Variants in DOCK3 observed in about 807,000 individuals in gnomAD.
The protein encoded by DOCK3 is dedicator of cytokinesis 3.
DOCK3 carries 60 observed loss-of-function variants against 265.6 expected under a neutral mutation model. The ratio of observed to expected loss-of-function variants is 0.23; its 90% confidence interval spans 0.18 to 0.28. The LOEUF (loss-of-function observed/expected upper bound fraction) is 0.28. Among genes scored for constraint, DOCK3 ranks in the 10% least tolerant of loss-of-function variants. The pLI is 1.00. For missense variants in DOCK3, 1,981 were observed against 2,594.3 expected (o/e 0.76, Z 5.14); for synonymous variants, 881 against 938.0 (o/e 0.94, Z 1.11).
At chr3:50,841,757 A>C (rs1318435632) in intron 3 of DOCK3, 42 bp downstream of exon 3, 1 of 162,374 alleles carries the variant, frequency 6.2e-6, no homozygotes, top group African/African-American at 5.7e-5. Flanking sequence ...TGTAGGAAGG[A>C]ACTACCTTGT....
At chr3:51,160,904 G>A (rs550087390) in intron 12 of DOCK3, among the ~76,000 whole-genome samples, 2 of 151,796 alleles carry the variant, frequency 1.3e-5, no homozygotes, top group African/African-American at 4.8e-5. Context: ...GTGAAACCTC[G>A]TCTCTACTGA....
In DOCK3 at chr3:51,027,928, G is replaced by A. The variant is rs193298905; in HGVS notation, c.316-36520G>A. Among the ~76,000 whole-genome samples, 219 of 152,062 alleles carry A rather than the reference G, an allele frequency of 1.4e-3. 2 individuals are homozygous for A. The highest frequency in any genetic ancestry group is 7.9e-3 in the East Asian group (41 of 5,180). On this transcript the variant is annotated intron_variant, in intron 5 of 52. Transcript: ENST00000266037. Reference sequence around the variant, plus strand: ...ATCTTTTAAGTGGAGCATTTAGGCTGTGTAGGTTCAACTTTGATATTGATA... The same window carrying A: ...ATCTTTTAAGTGGAGCATTTAGGCTATGTAGGTTCAACTTTGATATTGATA...
intron 4 of DOCK3, among the ~76,000 whole-genome samples, chr3:50,924,441 T>G (rs1436390484): frequency 6.6e-6 from 1 of 152,246 alleles, no homozygotes; most frequent in Non-Finnish European, 1.5e-5. Flanking sequence ...GAGTGTCAGC[T>G]CCTTATCTTC....
At position 51,159,299 on chromosome 3, in the gene DOCK3, G is replaced by A; in HGVS notation, c.884G>A (p.Arg295Gln). Reference protein sequence around the residue: ...RDLYIVAHVIRIGRMLLNDSK... With the variant: ...RDLYIVAHVIQIGRMLLNDSK... ...TTGTATATCGTTGCCCATGTGATCC[G>A]AATAGGTACTGTTCACCTTACCCAT... Residue 295 changes from arginine to glutamine, a missense_variant, in exon 11 of 53, where the codon CGA (arginine) becomes CAA (glutamine). Coordinates refer to ENST00000266037, the MANE Select transcript of DOCK3 (RefSeq NM_004947.5). 1 of 1,612,584 alleles carries A rather than the reference G, an allele frequency of 6.2e-7. No individual in the cohort carries two copies. Among genetic ancestry groups the A allele is most frequent in the Non-Finnish European group, 8.5e-7 (1 of 1,179,032 alleles).
intron 5 of DOCK3, among the ~76,000 whole-genome samples, chr3:51,048,371 A>C (rs893115445): frequency 1.3e-5 from 2 of 152,274 alleles, no homozygotes; most frequent in Middle Eastern, 6.8e-3. Context: ...TACAGGTTGA[A>C]TATCCCTTAG....
In DOCK3 at chr3:50,920,415, T is replaced by A. The variant is rs149898510; in HGVS notation, c.219-13566T>A. ...GGTTGGTAGTCTATTAATTATTGCC[T>A]CAATTTCAGAGCCTATTATTGGTCT... On this transcript the variant is annotated intron_variant, in intron 4 of 52. Transcript: ENST00000266037. 3.5e-4 allele frequency among the ~76,000 whole-genome samples: 53 copies of A among 152,288 alleles called. 1 individual carries two copies. The East Asian group carries it at 9.8e-3, about 28-fold the overall frequency.
intron 1 of DOCK3, among the ~76,000 whole-genome samples, chr3:50,760,421 G>A (rs1050466726): frequency 6.6e-6 from 1 of 152,110 alleles, no homozygotes; most frequent in African/African-American, 2.4e-5. Context: ...CAAAAGTGAT[G>A]TGAATTGAGT....
intron 1 of DOCK3, among the ~76,000 whole-genome samples, chr3:50,722,390 A>G (rs1336081604): frequency 1.3e-5 from 2 of 152,232 alleles, no homozygotes; most frequent in African/African-American, 4.8e-5. Context: ...ACCAGTGCCC[A>G]GATTCCTAAC....
At chr3:51,283,233 A>C (rs777604338) in intron 27 of DOCK3, among the ~76,000 whole-genome samples, 4 of 152,212 alleles carry the variant, frequency 2.6e-5, no homozygotes, top group Non-Finnish European at 5.9e-5. Flanking sequence ...TGAGAGGCAC[A>C]CTCAGGCACA....
chr3:51,353,536 C>T (rs13353505), intron 40 of DOCK3, among the ~76,000 whole-genome samples: 1,639 of 152,190 alleles, frequency 0.011, 41 homozygotes, highest in African/African-American at 0.036. Flanking sequence ...CACTTGAACC[C>T]GGGAGGCATA....
intron 5 of DOCK3, among the ~76,000 whole-genome samples, chr3:51,017,229 C>G (rs920487625): frequency 5.3e-5 from 8 of 150,670 alleles, no homozygotes; most frequent in Admixed American, 1.3e-4. Flanking sequence ...TGTGATGTCT[C>G]CTTTTTCATC....
At chr3:50,677,931 A>G (rs2034103653) in intron 1 of DOCK3, among the ~76,000 whole-genome samples, 1 of 152,146 alleles carries the variant, frequency 6.6e-6, no homozygotes, top group Non-Finnish European at 1.5e-5. Flanking sequence ...TGGGGAGGAC[A>G]TTATCCTTTC....
intron 20 of DOCK3, among the ~76,000 whole-genome samples, chr3:51,236,746 G>C (rs1198931334): frequency 6.6e-6 from 1 of 152,126 alleles, no homozygotes; most frequent in Non-Finnish European, 1.5e-5. Flanking sequence ...CAAGAAATCA[G>C]ATGGCTCATT....
chr3:51,069,576 A>ATG (rs60351768), intron 6 of DOCK3, among the ~76,000 whole-genome samples: 47 of 150,892 alleles, frequency 3.1e-4, no homozygotes, highest in African/African-American at 4.6e-4. Flanking sequence ...ATGTGTGTAT[A>ATG]TGTGTGTGTG....
chr3:51,013,650 C>A (rs891799825), intron 5 of DOCK3, among the ~76,000 whole-genome samples: 1 of 152,178 alleles, frequency 6.6e-6, no homozygotes, highest in East Asian at 1.9e-4. Context: ...AGTAGGCAGT[C>A]GGTCCGTTCT....
At chr3:51,040,896 C>A (rs1024810355) in intron 5 of DOCK3, among the ~76,000 whole-genome samples, 6 of 151,830 alleles carry the variant, frequency 4.0e-5, no homozygotes, top group Non-Finnish European at 2.9e-5. Context: ...TCTTCAGGGT[C>A]CACTTCTAAT....
At chr3:51,101,386 C>T (rs2083085774) in intron 9 of DOCK3, among the ~76,000 whole-genome samples, 1 of 152,130 alleles carries the variant, frequency 6.6e-6, no homozygotes. Context: ...TCCCAAAGTT[C>T]TGGGATTACA....
chr3:50,826,353 G>A (rs1215931322), intron 2 of DOCK3, among the ~76,000 whole-genome samples: 1 of 151,918 alleles, frequency 6.6e-6, no homozygotes, highest in Non-Finnish European at 1.5e-5. Context: ...TATATTTTCT[G>A]TCTCCTGACT....
intron 1 of DOCK3, among the ~76,000 whole-genome samples, chr3:50,715,300 C>G (rs746814887): frequency 1.3e-5 from 2 of 152,146 alleles, no homozygotes; most frequent in African/African-American, 2.4e-5. Context: ...CCTGTAATCC[C>G]GGTACTTTGG....
Sources: gnomAD v4.1 joint callset for allele counts (sites outside exome capture counted in the v4.1 genomes callset) on GRCh38, gnomAD v4.1.1 for gene constraint, MANE v1.5 for transcripts, NCBI Gene and HGNC (gene_info 2026-07-23, HGNC 2026-07-21) for gene names.